The following SLC4A4 variants were observed in gnomAD, a reference collection of about 807,000 sequenced individuals.
SLC4A4 encodes the protein electrogenic sodium bicarbonate cotransporter 1.
In SLC4A4, 27 loss-of-function variants were observed where a neutral mutation model predicts 111.5. The ratio of observed to expected loss-of-function variants is 0.24; its 90% CI spans 0.18 to 0.33. The LOEUF (loss-of-function observed/expected upper bound fraction) is 0.33. Among genes scored for constraint, SLC4A4 ranks in the 10% least tolerant of loss-of-function variants. SLC4A4 has a pLI of 1.00. For missense variants in SLC4A4, 909 were observed against 1,315.5 expected (o/e 0.69, Z 4.78); for synonymous variants, 443 against 463.4 (o/e 0.96, Z 0.57).
At chr4:71,146,263 T>C (rs1474497651) in intron 2 of SLC4A4, among the ~76,000 whole-genome samples, 12 of 152,070 alleles carry the variant, frequency 7.9e-5, no homozygotes, top group Admixed American at 5.9e-4. Flanking sequence ...CGGTTTTGAG[T>C]GAGTTTCTTA....
intron 2 of SLC4A4, among the ~76,000 whole-genome samples, chr4:71,146,537 G>T (rs959099450): frequency 6.6e-6 from 1 of 152,044 alleles, no homozygotes; most frequent in Non-Finnish European, 1.5e-5. Context: ...TGTCTAATGT[G>T]GACAGTGGGG....
intron 3 of SLC4A4, among the ~76,000 whole-genome samples, chr4:71,292,728 G>T (rs564797809): frequency 1.2e-4 from 18 of 151,640 alleles, no homozygotes; most frequent in African/African-American, 3.6e-4. Flanking sequence ...ATAAATAGGC[G>T]GGAAAAAATG....
At chr4:71,066,573 A>G (rs1741521824) in intron 1 of SLC4A4, among the ~76,000 whole-genome samples, 3 of 152,208 alleles carry the variant, frequency 2.0e-5, no homozygotes, top group Admixed American at 2.0e-4. Context: ...AGAGAGGTGT[A>G]TTTTAGCAGG....
At chr4:71,308,517 A>G (rs759615153) in intron 3 of SLC4A4, among the ~76,000 whole-genome samples, 2 of 151,916 alleles carry the variant, frequency 1.3e-5, no homozygotes, top group East Asian at 1.9e-4. Context: ...TTTCCAACTG[A>G]GGTAGCCAGT....
At position 71,466,966 on chromosome 4, in the gene SLC4A4, G is replaced by GAGAGAGAGAGAGAGAGA. The variant is rs369970583; in HGVS notation, c.1631+389_1631+390insAGAGAGAGAGAGAGAGA. Among the ~76,000 whole-genome samples, 147 of 88,458 alleles carry GAGAGAGAGAGAGAGAGA rather than the reference G, an allele frequency of 1.7e-3. 6 individuals are homozygous for GAGAGAGAGAGAGAGAGA. The highest frequency in any genetic ancestry group is 5.1e-3 in the East Asian group (12 of 2,336). 58.0% of individuals were successfully genotyped at this position (88,458 alleles called of 152,430 possible). ...GAGAGAGAGAGAGAGAGAGAGAGAGGGAGAGAGAGAGAGGTCTGAGTATGT... is the reference window on the plus strand; with the variant it reads ...GAGAGAGAGAGAGAGAGAGAGAGAGGAGAGAGAGAGAGAGAGAGAGAGAGAGAGAGGTCTGAGTATGT... On this transcript the variant is annotated intron_variant, in intron 13 of 25. Coordinates refer to ENST00000264485, the MANE Select transcript of SLC4A4 (RefSeq NM_001098484.3).
At chr4:71,162,563 T>C (rs978856496) in intron 2 of SLC4A4, among the ~76,000 whole-genome samples, 1 of 152,192 alleles carries the variant, frequency 6.6e-6, no homozygotes, top group Admixed American at 6.5e-5. Context: ...TGTCCTTATC[T>C]TTTAAATGGA....
chr4:71,308,825 G>A (rs72650329), intron 3 of SLC4A4, among the ~76,000 whole-genome samples: 10,382 of 151,962 alleles, frequency 0.068, 500 homozygotes, highest in Non-Finnish European at 0.098. Context: ...TGTTTTTTTC[G>A]TACCCCAGTA....
intron 4 of SLC4A4, among the ~76,000 whole-genome samples, chr4:71,342,942 G>A (rs958776933): frequency 3.3e-5 from 5 of 152,144 alleles, no homozygotes; most frequent in Admixed American, 6.5e-5. Context: ...GGAGTGTATC[G>A]TGTGTCACGT....
intron 16 of SLC4A4, among the ~76,000 whole-genome samples, chr4:71,511,396 C>T (rs900737673): frequency 6.6e-6 from 1 of 151,702 alleles, no homozygotes; most frequent in African/African-American, 2.4e-5. Context: ...CAATGTTTTC[C>T]CCTTATGCTC....
intron 3 of SLC4A4, among the ~76,000 whole-genome samples, chr4:71,315,720 G>A (rs1452793140): frequency 6.6e-6 from 1 of 152,078 alleles, no homozygotes; most frequent in Non-Finnish European, 1.5e-5. Flanking sequence ...AAAGTATGGA[G>A]GTTTACAGAG....
intron 15 of SLC4A4, among the ~76,000 whole-genome samples, chr4:71,496,258 T>TG (rs1342442225): frequency 6.6e-6 from 1 of 152,092 alleles, no homozygotes; most frequent in Non-Finnish European, 1.5e-5. Context: ...TTTGGTTGAC[T>TG]GGTAATTCAA....
At chr4:71,374,475 A>G (rs902186838) in intron 6 of SLC4A4, among the ~76,000 whole-genome samples, 5 of 152,232 alleles carry the variant, frequency 3.3e-5, no homozygotes, top group African/African-American at 9.6e-5. Flanking sequence ...TGTATGTGGT[A>G]TGCAAGAATG....
chr4:71,082,337 T>C (rs927747542), intron 1 of SLC4A4, among the ~76,000 whole-genome samples: 13 of 151,588 alleles, frequency 8.6e-5, no homozygotes, highest in Non-Finnish European at 1.0e-4. Context: ...CAAATAACTG[T>C]CCCCCCCACC....
intron 8 of SLC4A4, among the ~76,000 whole-genome samples, chr4:71,446,904 A>AT (rs915202908): frequency 2.6e-5 from 4 of 152,084 alleles, no homozygotes; most frequent in Non-Finnish European, 4.4e-5. Flanking sequence ...TAAGTGAGGG[A>AT]TTTTTTCCAA....
intron 1 of SLC4A4, among the ~76,000 whole-genome samples, chr4:71,078,843 G>C (rs1237070412): frequency 6.6e-6 from 1 of 151,696 alleles, no homozygotes; most frequent in African/African-American, 2.4e-5. Context: ...TTTTGAGACA[G>C]AGTCTCACTC....
intron 7 of SLC4A4, among the ~76,000 whole-genome samples, chr4:71,420,578 C>G (rs573263299): frequency 2.4e-4 from 36 of 152,270 alleles, no homozygotes; most frequent in South Asian, 1.7e-3. Flanking sequence ...TTAAGGGCAG[C>G]CAGAGAGAAA....
At chr4:71,449,762 C>T (rs952735108) in intron 9 of SLC4A4, among the ~76,000 whole-genome samples, 1 of 152,182 alleles carries the variant, frequency 6.6e-6, no homozygotes, top group African/African-American at 2.4e-5. Flanking sequence ...ATTTTGGAAC[C>T]TCTTTCTTTG....
chr4:71,538,063 G>T (rs1325406414), intron 18 of SLC4A4, among the ~76,000 whole-genome samples: 1 of 151,558 alleles, frequency 6.6e-6, no homozygotes, highest in Non-Finnish European at 1.5e-5. Flanking sequence ...TTCTGATGTT[G>T]GTTTAGTTTA....
intron 6 of SLC4A4, among the ~76,000 whole-genome samples, chr4:71,358,133 C>T (rs543043417): frequency 2.6e-5 from 4 of 151,908 alleles, no homozygotes; most frequent in Admixed American, 6.6e-5. Context: ...GCTAACATGG[C>T]GAAACCCCAT....
Sources: gnomAD v4.1 joint callset for allele counts (sites outside exome capture counted in the v4.1 genomes callset) on GRCh38, gnomAD v4.1.1 for gene constraint, MANE v1.5 for transcripts, NCBI Gene and HGNC (gene_info 2026-07-23, HGNC 2026-07-21) for gene names.